HDAC11: variants seen among roughly 807,000 people sequenced by gnomAD.
The protein encoded by HDAC11 is histone deacetylase 11.
HDAC11 carries 23 observed loss-of-function variants against 41.1 expected under a neutral mutation model. The ratio of observed to expected loss-of-function variants is 0.56; its 90% CI spans 0.40 to 0.79. HDAC11 has a LOEUF of 0.79. Among genes scored for constraint, HDAC11 ranks in the 30% least tolerant of loss-of-function variants. The pLI is 0.00. For synonymous variants in HDAC11, 187 were observed against 186.6 expected, an observed-to-expected ratio of 1.00 and a Z score of -0.02; for missense variants, 402 against 477.3, an observed-to-expected ratio of 0.84 and a Z score of 1.47.
chr3:13,480,453 GC>G lies in HDAC11; in HGVS notation c.2+107del. On this transcript the variant is annotated intron_variant, in intron 1 of 9. Coordinates refer to ENST00000295757, the MANE Select transcript of HDAC11 (RefSeq NM_024827.4). This position sits in a 1 kb window ranked among gnomAD's most constrained non-coding sequence, Gnocchi z 4.6. The stretch of plus-strand genomic sequence containing the variant: ...GGCCGGGCGGGCGCGCCAGGTAAGG[GC>G]CCAGATTTGCTGGTGAGGGGTGAGG... 2 of 681,408 alleles carry G rather than the reference GC, an allele frequency of 2.9e-6. No homozygotes were observed. Among genetic ancestry groups the G allele is most frequent in the Non-Finnish European group, 2.0e-6 (1 of 500,982 alleles). The allele number at this position is 681,408 out of a possible 1,614,324, so 42.2% of individuals were successfully genotyped here.
chr3:13,504,080 TG>T lies in HDAC11; in HGVS notation c.650-13del. ...CTTCTCTATAAATTGAGGCCATCCATGTCTCTCTCCCAGAGGCCATCAGGCG... is the reference window on the plus strand; with the variant it reads ...CTTCTCTATAAATTGAGGCCATCCATTCTCTCTCCCAGAGGCCATCAGGCG... On this transcript the variant is annotated splice_polypyrimidine_tract_variant and intron_variant, in intron 8 of 9. Transcript: ENST00000295757. 1 of 1,613,098 alleles carries T rather than the reference TG, an allele frequency of 6.2e-7. No homozygotes were observed. Among genetic ancestry groups the T allele is most frequent in the Non-Finnish European group, 8.5e-7 (1 of 1,179,514 alleles).
At chr3:13,486,806 T>G (rs1701615855) in intron 3 of HDAC11, among the ~76,000 whole-genome samples, 1 of 152,130 alleles carries the variant, frequency 6.6e-6, no homozygotes, top group South Asian at 2.1e-4. Context: ...CTCGAACTCC[T>G]GACCTCAAGC....
At chr3:13,481,452 G>T in intron 2 of HDAC11, 58 bp downstream of exon 2, 1 of 1,583,878 alleles carries the variant, frequency 6.3e-7, no homozygotes, top group Non-Finnish European at 8.6e-7. Flanking sequence ...TGTCCTCTCC[G>T]TCCTCATCCC....
rs988380185 is a variant in HDAC11, at chr3:13,480,447, G to T, written c.2+98G>T. 1.3e-6 allele frequency: 1 copy of T among 748,274 alleles called. No individual in the cohort carries two copies. The highest frequency in any genetic ancestry group is 6.5e-5 in the South Asian group (1 of 15,462). 46.4% of individuals were successfully genotyped at this position (748,274 alleles called of 1,614,324 possible). On this transcript the variant is annotated intron_variant, in intron 1 of 9. Coordinates refer to ENST00000295757, the MANE Select transcript of HDAC11 (RefSeq NM_024827.4). The surrounding 1 kb of genome is among the most constrained non-coding windows in gnomAD (Gnocchi z 4.6). The stretch of plus-strand genomic sequence containing the variant: ...GGGGACGGCCGGGCGGGCGCGCCAG[G>T]TAAGGGCCCAGATTTGCTGGTGAGG...
chr3:13,480,654 C>G lies in HDAC11; in HGVS notation c.2+305C>G. 2.3e-6 allele frequency: 1 copy of G among 426,358 alleles called. No individual in the cohort carries two copies. The highest frequency in any genetic ancestry group is 2.1e-5 in the South Asian group (1 of 46,938). 26.4% of individuals were successfully genotyped at this position (426,358 alleles called of 1,614,324 possible). On this transcript the variant is annotated intron_variant, in intron 1 of 9. Transcript: ENST00000295757. The surrounding 1 kb of genome is among the most constrained non-coding windows in gnomAD (Gnocchi z 4.6). ...GCCCAGCCCCCTGGCTACGCGGACG[C>G]CCCCACGGAGGCAGCCACTGGGGCG... is the stretch of plus-strand genomic sequence containing the variant.
intron 3 of HDAC11, among the ~76,000 whole-genome samples, chr3:13,492,550 A>G (rs906645345): frequency 4.6e-5 from 7 of 151,846 alleles, no homozygotes; most frequent in Admixed American, 4.6e-4. Context: ...GGAGTATTTT[A>G]TTTTATTTTT....
At chr3:13,503,170 C>A in intron 8 of HDAC11, 190 bp downstream of exon 8, 1 of 449,682 alleles carries the variant, frequency 2.2e-6, no homozygotes, top group Non-Finnish European at 4.0e-6. Context: ...CCCAAGATCA[C>A]ATAACCCTTA....
At chr3:13,482,512 G>GT (rs2124998005) in intron 2 of HDAC11, among the ~76,000 whole-genome samples, 1 of 152,332 alleles carries the variant, frequency 6.6e-6, no homozygotes, top group African/African-American at 2.4e-5. Context: ...GCCGGGCGCA[G>GT]TGGCTCGTGC....
In HDAC11 at chr3:13,505,816, G is replaced by GCCTGTTCCTCAGC. The variant is rs1370509761; in HGVS notation, c.*1137_*1149dup. ...GGGCCCCAGGTGGGCCAGACCTCTG[G>GCCTGTTCCTCAGC]CCTGTTCCTCAGCCCTACTCATGGG... On this transcript the variant is annotated 3_prime_UTR_variant, in exon 10 of 10. Transcript: ENST00000295757. 6.6e-6 allele frequency: 1 copy of GCCTGTTCCTCAGC among 152,358 alleles called. No individual in the cohort carries two copies. The highest frequency in any genetic ancestry group is 2.4e-5 in the African/African-American group (1 of 41,456). The allele number at this position is 152,358 out of a possible 1,614,324, so 9.4% of individuals were successfully genotyped here.
At chr3:13,493,182 G>C (rs1377194515) in intron 3 of HDAC11, among the ~76,000 whole-genome samples, 1 of 152,072 alleles carries the variant, frequency 6.6e-6, no homozygotes. Flanking sequence ...CCCACCCACA[G>C]CTCCCTCGGG....
At chr3:13,499,917 G>A (rs1468630890) in intron 5 of HDAC11, among the ~76,000 whole-genome samples, 1 of 152,134 alleles carries the variant, frequency 6.6e-6, no homozygotes, top group African/African-American at 2.4e-5. Flanking sequence ...GTGACCCTGG[G>A]CAAGTTGCTG....
Position 13,505,838 on chromosome 3 carries a change from T to TG in HDAC11, c.*1159dup, listed in dbSNP as rs1702598104. 6.6e-6 allele frequency: 1 copy of TG among 152,240 alleles called. No individual in the cohort carries two copies. Among genetic ancestry groups the TG allele is most frequent in the South Asian group, 2.1e-4 (1 of 4,836 alleles). 9.4% of individuals were successfully genotyped at this position (152,240 alleles called of 1,614,324 possible). The stretch of plus-strand genomic sequence containing the variant: ...CTGGCCTGTTCCTCAGCCCTACTCA[T>TG]GGGGACATTCAGGGACCTCCAGGAA... On this transcript the variant is annotated 3_prime_UTR_variant, in exon 10 of 10. Coordinates refer to ENST00000295757, the MANE Select transcript of HDAC11 (RefSeq NM_024827.4).
chr3:13,502,986 C>T lies in HDAC11; in HGVS notation c.649+6C>T, dbSNP rs762400083. On this transcript the variant is annotated splice_donor_region_variant and intron_variant, in intron 8 of 9. Coordinates refer to ENST00000295757, the MANE Select transcript of HDAC11 (RefSeq NM_024827.4). This position sits in a 1 kb window ranked among gnomAD's most constrained non-coding sequence, Gnocchi z 4.1. The stretch of plus-strand genomic sequence containing the variant: ...AGGGGACCGCTTTGCCAAGCGTAAG[C>T]TGCTGCCCCTACCCTCATCTTGGGT... 1.9e-6 allele frequency: 3 copies of T among 1,606,450 alleles called. No homozygotes were observed. Among genetic ancestry groups the T allele is most frequent in the South Asian group, 1.1e-5 (1 of 90,942 alleles).
Position 13,502,636 on chromosome 3 carries a change from G to A in HDAC11, c.553-248G>A, listed in dbSNP as rs573730676. 3 of 417,156 alleles carry A rather than the reference G, an allele frequency of 7.2e-6. No homozygotes were observed. Among genetic ancestry groups the A allele is most frequent in the East Asian group, 4.6e-5 (1 of 21,706 alleles). The allele number at this position is 417,156 out of a possible 1,614,324, so 25.8% of individuals were successfully genotyped here. ...CACAGACTTGAGAGGGTGGCAGAGCGGGATTTCTTCCTCTGATAGGGAACC... is the reference window on the plus strand; with the variant it reads ...CACAGACTTGAGAGGGTGGCAGAGCAGGATTTCTTCCTCTGATAGGGAACC... On this transcript the variant is annotated intron_variant, in intron 7 of 9. Transcript: ENST00000295757. The surrounding 1 kb of genome is among the most constrained non-coding windows in gnomAD (Gnocchi z 4.1).
intron 3 of HDAC11, among the ~76,000 whole-genome samples, chr3:13,494,729 C>T (rs1047275964): frequency 6.6e-6 from 1 of 152,196 alleles, no homozygotes; most frequent in Non-Finnish European, 1.5e-5. Flanking sequence ...CCGCCTTCAG[C>T]CGCCCTTGCC....
chr3:13,483,634 C>T, intron 3 of HDAC11, 70 bp downstream of exon 3: 1 of 1,244,820 alleles, frequency 8.0e-7, no homozygotes. Flanking sequence ...TGGCCAGAGG[C>T]AGGAGGTGAC....
At chr3:13,503,830 C>T (rs1449022046) in intron 8 of HDAC11, among the ~76,000 whole-genome samples, 1 of 152,146 alleles carries the variant, frequency 6.6e-6, no homozygotes, top group Non-Finnish European at 1.5e-5. Context: ...TAGGCAAGAC[C>T]CAGAGGAGGC....
rs1702384304 is a variant in HDAC11, at chr3:13,501,898, T to C, written c.517T>C (p.Ser173Pro). ...KFLFERVEGI[S>P]RATIIDLDAH... ...TCTGTTTGAGCGTGTGGAGGGCATC[T>C]CCAGGGCTACCATCATTGATCTTGA... Residue 173 changes from serine to proline, a missense_variant, in exon 7 of 10, where the codon TCC (serine) becomes CCC (proline). Coordinates refer to ENST00000295757, the MANE Select transcript of HDAC11 (RefSeq NM_024827.4). 1 of 1,613,882 alleles carries C rather than the reference T, an allele frequency of 6.2e-7. No homozygotes were observed. The highest frequency in any genetic ancestry group is 1.7e-5 in the Admixed American group (1 of 59,996).
intron 4 of HDAC11, among the ~76,000 whole-genome samples, chr3:13,497,583 A>G (rs1250962229): frequency 2.0e-5 from 3 of 152,142 alleles, no homozygotes; most frequent in Non-Finnish European, 2.9e-5. Context: ...AAGAATCCCC[A>G]CAGCAAAATT....
Sources: allele counts gnomAD v4.1 joint callset (sites outside exome capture counted in the v4.1 genomes callset), GRCh38; gene constraint gnomAD v4.1.1; non-coding constraint Gnocchi (gnomAD v3.1); transcripts MANE v1.5; gene names NCBI Gene and HGNC (gene_info 2026-07-23, HGNC 2026-07-21).